The following EP400 variants were observed in gnomAD, a reference collection of about 807,000 sequenced individuals.
EP400 encodes the protein E1A binding protein p400.
In EP400, 105 loss-of-function variants were observed where a neutral mutation model predicts 354.1. The ratio of observed to expected loss-of-function variants is 0.30; its 90% CI spans 0.25 to 0.35. The LOEUF (loss-of-function observed/expected upper bound fraction) is 0.35. Ranked by LOEUF, EP400 falls within the 10% of genes least tolerant of loss-of-function variation. The pLI is 1.00. For synonymous variants in EP400, 1,646 were observed against 1,716.9 expected (o/e 0.96, Z 1.02); for missense variants, 3,280 against 4,121.0 (o/e 0.80, Z 5.59).
At chr12:132,049,591 C>T (rs2136585570) in intron 39 of EP400, among the ~76,000 whole-genome samples, 1 of 152,330 alleles carries the variant, frequency 6.6e-6, no homozygotes, top group Admixed American at 6.5e-5. Context: ...CCTTGGCACA[C>T]TCTCTTTGAC....
intron 51 of EP400, among the ~76,000 whole-genome samples, chr12:132,073,920 T>G (rs866134432): frequency 0.011 from 577 of 53,748 alleles, 3 homozygotes; most frequent in African/African-American, 0.079. Context: ...TTTTTTGGGG[T>G]TTTTTTTTTT....
chr12:131,960,791 A>G lies in EP400; in HGVS notation c.172A>G (p.Ile58Val). The G allele has an allele frequency of 3.1e-6, 5 of 1,612,480 alleles. No homozygotes were observed. In the South Asian group the frequency reaches 4.4e-5, roughly 14 times the overall value. The change falls in exon 2 of 53, where the codon ATA becomes GTA. Residue 58 changes from isoleucine (I) to valine (V), a missense_variant. Physicochemically the swap from Ile to Val is conservative, Grantham distance 29. This residue lies in a region of EP400 where 172 missense variants were observed against 242.9 expected (regional missense o/e 0.71). Transcript: ENST00000389561. Reference sequence around the variant, plus strand: ...GGCACCCCAGTCTCCCAGTTATCAAATACAGCAGCTGATGAATAGGAGCCC... The same window carrying G: ...GGCACCCCAGTCTCCCAGTTATCAAGTACAGCAGCTGATGAATAGGAGCCC... Reference protein sequence around the residue: ...PSAPQSPSYQIQQLMNRSPAT... With the variant: ...PSAPQSPSYQVQQLMNRSPAT...
intron 47 of EP400, among the ~76,000 whole-genome samples, chr12:132,064,446 A>C (rs1003077359): frequency 2.6e-5 from 4 of 152,246 alleles, no homozygotes; most frequent in Admixed American, 2.6e-4. Flanking sequence ...CTTATCAGTC[A>C]GAATCCGTGT....
chr12:131,996,603 CTT>C (rs956330866), intron 12 of EP400, among the ~76,000 whole-genome samples: 46 of 152,180 alleles, frequency 3.0e-4, no homozygotes, highest in African/African-American at 1.1e-3. Flanking sequence ...AGAAGGAACT[CTT>C]TTTAAAAACA....
rs1209389893 is a variant in EP400, at chr12:132,020,232, AGTT to A, written c.4447+17_4447+19del. On this transcript the variant is annotated intron_variant, in intron 22 of 52. Transcript: ENST00000389561. ...CGGAGGCAAAAGGTAGACTTCACGT[AGTT>A]GTCTGCTCTCCGCCTTATGGAGGTT... is the stretch of plus-strand genomic sequence containing the variant. 1.9e-6 allele frequency: 3 copies of A among 1,589,860 alleles called. No individual in the cohort carries two copies. In the South Asian group the frequency reaches 3.4e-5, roughly 18 times the overall value.
intron 30 of EP400, 150 bp from the exon 31 acceptor site, chr12:132,037,532 C>G (rs915312359): frequency 1.5e-6 from 1 of 648,982 alleles, no homozygotes; most frequent in Admixed American, 2.5e-5. Flanking sequence ...TGGCTGAGAG[C>G]GGCCTTTGGT....
intron 1 of EP400, among the ~76,000 whole-genome samples, chr12:131,956,873 C>CTTTTTT (rs58567170): frequency 8.7e-6 from 1 of 115,398 alleles, no homozygotes; most frequent in Non-Finnish European, 1.7e-5. Flanking sequence ...TTTTTTTGTC[C>CTTTTTT]TTTTTTTTTT....
intron 48 of EP400, chr12:132,065,500 T>C (rs1202182928): frequency 6.5e-6 from 1 of 153,720 alleles, no homozygotes; most frequent in Non-Finnish European, 1.4e-5. Flanking sequence ...CTCTTGTGTC[T>C]TTCACCTGGC....
At position 132,050,982 on chromosome 12, in the gene EP400, A is replaced by G; in HGVS notation, c.7394+327A>G. 1 of 458,304 alleles carries G rather than the reference A, an allele frequency of 2.2e-6. No homozygotes were observed. Among genetic ancestry groups the G allele is most frequent in the Non-Finnish European group, 4.0e-6 (1 of 250,684 alleles). 28.4% of individuals were successfully genotyped at this position (458,304 alleles called of 1,614,324 possible). A position where few individuals can be genotyped will look rare whatever the true frequency, so the allele number is the denominator to read the frequency against. ...CTTCCTCACACCCCACCTCTCAGGC[A>G]CTGATTTTGTTCGCCATATCTTAAG... On this transcript the variant is annotated intron_variant, in intron 41 of 52. Coordinates refer to ENST00000389561, the MANE Select transcript of EP400 (RefSeq NM_015409.5). This position sits in a 1 kb window ranked among gnomAD's most constrained non-coding sequence, Gnocchi z 4.8.
chr12:132,028,806 C>A (rs1894390597), intron 27 of EP400: 1 of 156,814 alleles, frequency 6.4e-6, no homozygotes, highest in South Asian at 1.9e-4. Context: ...TGCTTGGACC[C>A]CATCTCCAGG....
intron 5 of EP400, among the ~76,000 whole-genome samples, chr12:131,983,391 G>C (rs116462989): frequency 6.6e-6 from 1 of 152,246 alleles, no homozygotes; most frequent in African/African-American, 2.4e-5. Context: ...ACACATTTCA[G>C]GTAGTTAAAA....
chr12:132,006,655 A>C (rs1893592267), intron 14 of EP400, 45 bp from the exon 15 acceptor site: 1 of 1,534,280 alleles, frequency 6.5e-7, no homozygotes, highest in African/African-American at 1.4e-5. Flanking sequence ...AGTTTGGGTG[A>C]TTATTTTGAC....
rs866284670 is a variant in EP400, at chr12:132,028,369, A to T, written c.5381+81A>T. 5 of 1,539,136 alleles carry T rather than the reference A, an allele frequency of 3.2e-6. No individual in the cohort carries two copies. The African/African-American group carries it at 6.8e-5, about 21-fold the overall frequency. On this transcript the variant is annotated intron_variant, in intron 27 of 52. Transcript: ENST00000389561. ...AGACCCCTTCTTGTCTCGTGGATGT[A>T]CATCTTACTCCCATCGGCTTCTCCC...
chr12:131,975,600 C>T (rs1182106067), intron 2 of EP400, among the ~76,000 whole-genome samples: 1 of 151,962 alleles, frequency 6.6e-6, no homozygotes, highest in African/African-American at 2.4e-5. Context: ...CACTCTGTCA[C>T]CCAGGCTGGA....
chr12:132,016,004 G>T (rs1053236130), intron 19 of EP400, among the ~76,000 whole-genome samples: 2 of 152,210 alleles, frequency 1.3e-5, no homozygotes, highest in African/African-American at 4.8e-5. Flanking sequence ...CCCTGTGCTT[G>T]TGCCGGCCTC....
At chr12:131,953,012 C>G (rs906951134) in intron 1 of EP400, among the ~76,000 whole-genome samples, 1 of 152,168 alleles carries the variant, frequency 6.6e-6, no homozygotes, top group Non-Finnish European at 1.5e-5. Context: ...TTCTGGGTTT[C>G]TTTCCATACA....
intron 1 of EP400, among the ~76,000 whole-genome samples, chr12:131,950,728 C>T (rs760989004): frequency 6.6e-6 from 1 of 152,210 alleles, no homozygotes; most frequent in Non-Finnish European, 1.5e-5. Flanking sequence ...GTGTCAGTGA[C>T]AGAAAAGTAA....
chr12:131,958,908 A>T (rs368811842), intron 1 of EP400, among the ~76,000 whole-genome samples: 3 of 152,186 alleles, frequency 2.0e-5, no homozygotes, highest in South Asian at 2.1e-4. Context: ...TGCGATGAAC[A>T]AGGGGTCTTG....
At chr12:132,048,793 A>G (rs915686132) in intron 39 of EP400, among the ~76,000 whole-genome samples, 1 of 152,088 alleles carries the variant, frequency 6.6e-6, no homozygotes, top group Non-Finnish European at 1.5e-5. Flanking sequence ...CAGATAATCT[A>G]CCCACCTCGG....
Sources: gnomAD v4.1 joint callset for allele counts (sites outside exome capture counted in the v4.1 genomes callset) on GRCh38, gnomAD v4.1.1 for gene constraint, gnomAD v4.1.1 regional missense constraint, Gnocchi (gnomAD v3.1) non-coding constraint, MANE v1.5 for transcripts, NCBI Gene and HGNC (gene_info 2026-07-23, HGNC 2026-07-21) for gene names.